Variants in LRP1 observed in about 807,000 individuals in gnomAD.
The protein encoded by LRP1 is LDL receptor related protein 1.
Under a neutral mutation model 541.5 loss-of-function variants are expected in LRP1, and 51 were observed. That is an observed-to-expected ratio of 0.09 (90% CI 0.08 to 0.12). The LOEUF (loss-of-function observed/expected upper bound fraction) is 0.12. LRP1 is among the 10% of genes least tolerant of loss of function. LRP1 has a pLI of 1.00. For synonymous variants in LRP1, 2,219 were observed against 2,470.8 expected (o/e 0.90, Z 3.02); for missense variants, 3,878 against 6,376.2 (o/e 0.61, Z 13.34).
At position 57,204,642 on chromosome 12, in the gene LRP1, C is replaced by T. The variant is rs1445359310; in HGVS notation, c.11087C>T (p.Pro3696Leu). The change falls in exon 72 of 89, where the codon CCT becomes CTT. Residue 3696 changes from proline (P) to leucine (L), a missense_variant. This residue lies in a region of LRP1 where 871 missense variants were observed against 1,212.4 expected (regional missense o/e 0.72). Coordinates refer to ENST00000243077, the MANE Select transcript of LRP1 (RefSeq NM_002332.3). This position sits in a 1 kb window ranked among gnomAD's most constrained non-coding sequence, Gnocchi z 5.3. ...NPEECARFVC[P>L]PNRPFRCKND... is the part of the protein sequence containing the mutation. ...GCTGCTGCAGCCCGGTTCGTGTGCC[C>T]TCCCAACCGGCCCTTCCGTTGCAAG... is the stretch of plus-strand genomic sequence containing the variant. The T allele has an allele frequency of 6.2e-7, 1 of 1,613,998 alleles. No homozygotes were observed. Among genetic ancestry groups the T allele is most frequent in the Non-Finnish European group, 8.5e-7 (1 of 1,180,032 alleles).
At chr12:57,199,566 C>G (rs1053375428) in intron 61 of LRP1, among the ~76,000 whole-genome samples, 166 bp downstream of exon 61, 6 of 152,174 alleles carry the variant, frequency 3.9e-5, no homozygotes, top group Admixed American at 6.5e-5. Context: ...GGAGCTTCAG[C>G]CCGGCCTGGA....
Position 57,205,998 on chromosome 12 carries a change from A to T in LRP1, c.11590+321A>T, listed in dbSNP as rs1365759862. On this transcript the variant is annotated intron_variant, in intron 75 of 88. Transcript: ENST00000243077. This position sits in a 1 kb window ranked among gnomAD's most constrained non-coding sequence, Gnocchi z 4.6. ...TGGGGGCCTCACCTGCACATTCCCCACATGCTTTGATGCCCACCTTGCCTT... is the reference window on the plus strand; with the variant it reads ...TGGGGGCCTCACCTGCACATTCCCCTCATGCTTTGATGCCCACCTTGCCTT... 6.6e-6 allele frequency among the ~76,000 whole-genome samples: 1 copy of T among 152,168 alleles called. No homozygotes were observed. Among genetic ancestry groups the T allele is most frequent in the East Asian group, 1.9e-4 (1 of 5,192 alleles).
At position 57,184,319 on chromosome 12, in the gene LRP1, C is replaced by T; in HGVS notation, c.6060-7C>T. ...GACTGACCCCCACTTCCACCCCCAC[C>T]CTACAGGTACTTGTTCTGGACTGAG... On this transcript the variant is annotated splice_region_variant and splice_polypyrimidine_tract_variant and intron_variant, in intron 37 of 88. Coordinates refer to ENST00000243077, the MANE Select transcript of LRP1 (RefSeq NM_002332.3). This position sits in a 1 kb window ranked among gnomAD's most constrained non-coding sequence, Gnocchi z 7.8. 1 of 1,614,226 alleles carries T rather than the reference C, an allele frequency of 6.2e-7. No homozygotes were observed. The highest frequency in any genetic ancestry group is 8.5e-7 in the Non-Finnish European group (1 of 1,180,038).
intron 34 of LRP1, 69 bp downstream of exon 34, chr12:57,181,360 C>A: frequency 6.5e-7 from 1 of 1,527,050 alleles, no homozygotes; most frequent in Non-Finnish European, 8.8e-7. Context: ...CCCTACAGCC[C>A]CACCTTCCTC....
At chr12:57,157,123 AG>A (rs1160765249) in intron 10 of LRP1, among the ~76,000 whole-genome samples, 1 of 152,262 alleles carries the variant, frequency 6.6e-6, no homozygotes, top group Non-Finnish European at 1.5e-5. Context: ...CGGACTCTGC[AG>A]AAAACTAAAC....
chr12:57,193,806 G>A, intron 47 of LRP1, 93 bp from the exon 48 acceptor site: 1 of 1,594,948 alleles, frequency 6.3e-7, no homozygotes. Flanking sequence ...ACAGGCCAGG[G>A]CAGGTGCTGT....
rs35444620 is a variant in LRP1 at position 57,187,141 on chromosome 12, G to A, written c.6842-126G>A. 16 of 904,312 alleles carry A rather than the reference G, an allele frequency of 1.8e-5. No individual in the cohort carries two copies. In the African/African-American group the frequency reaches 1.8e-4, roughly 10 times the overall value. 56.0% of individuals were successfully genotyped at this position (904,312 alleles called of 1,614,324 possible). A position where few individuals can be genotyped will look rare whatever the true frequency, so the allele number is the denominator to read the frequency against. On this transcript the variant is annotated intron_variant, in intron 41 of 88. Transcript: ENST00000243077. ...CCGAGCCCTCTCTGCTGCACCTCTT[G>A]CACTCCCATACCCCACACTTCGCCT...
chr12:57,184,939 T>A lies in LRP1; in HGVS notation c.6287T>A (p.Met2096Lys). ...GAGGTGGTTCTGTCCAGCAACAACATGGACATGTTTTCAGTGTCTGTGTTT... is the reference window on the plus strand; with the variant it reads ...GAGGTGGTTCTGTCCAGCAACAACAAGGACATGTTTTCAGTGTCTGTGTTT... ...NREVVLSSNNMDMFSVSVFED... is the reference protein window; with the variant it reads ...NREVVLSSNNKDMFSVSVFED... The change falls in exon 39 of 89, where the codon ATG (methionine) becomes AAG (lysine). Residue 2096 changes from methionine (M) to lysine (K), a missense_variant. Transcript: ENST00000243077. This position sits in a 1 kb window ranked among gnomAD's most constrained non-coding sequence, Gnocchi z 7.8. 1 of 1,614,160 alleles carries A rather than the reference T, an allele frequency of 6.2e-7. No individual in the cohort carries two copies. The highest frequency in any genetic ancestry group is 8.5e-7 in the Non-Finnish European group (1 of 1,180,022).
Position 57,194,518 on chromosome 12 carries a change from G to A in LRP1, c.8068+15G>A, listed in dbSNP as rs748180611. 31 of 1,610,168 alleles carry A rather than the reference G, an allele frequency of 1.9e-5. No individual in the cohort carries two copies. Among genetic ancestry groups the A allele is most frequent in the Non-Finnish European group, 4.2e-6 (5 of 1,178,794 alleles). ...CGACTGCCCAGGTGGGCGGGGGCAG[G>A]TGTGTGGTGGGTGGTGGCCTGCGGT... On this transcript the variant is annotated intron_variant, in intron 49 of 88. Transcript: ENST00000243077.
rs1056038984 is a variant in LRP1, at chr12:57,194,796, G to C, written c.8191+97G>C. 13 of 1,449,780 alleles carry C rather than the reference G, an allele frequency of 9.0e-6. 1 individual carries two copies. Among genetic ancestry groups the C allele is most frequent in the South Asian group, 2.7e-5 (2 of 74,704 alleles). The allele number at this position is 1,449,780 out of a possible 1,614,324, so 89.8% of individuals were successfully genotyped here. A position where few individuals can be genotyped will look rare whatever the true frequency, so the allele number is the denominator to read the frequency against. ...ATGCCCCCTTGGAAAAGGGCATCCA[G>C]AGCCTTCAACCCCCTGCCCCACACC... On this transcript the variant is annotated intron_variant, in intron 50 of 88. Coordinates refer to ENST00000243077, the MANE Select transcript of LRP1 (RefSeq NM_002332.3).
At position 57,159,969 on chromosome 12, in the gene LRP1, C is replaced by T. The variant is rs541537906; in HGVS notation, c.1943C>T (p.Thr648Ile). The T allele has an allele frequency of 1.7e-5, 27 of 1,614,024 alleles. No individual in the cohort carries two copies. Among genetic ancestry groups the T allele is most frequent in the East Asian group, 2.2e-5 (1 of 44,894 alleles). ...AAGACTTTAATCGAGGGCAAAATGA[C>T]ACACCCCAGGGCTATTGTGGTGGAT... is the stretch of plus-strand genomic sequence containing the variant. The part of the protein sequence containing the change: ...TRKTLIEGKM[T>I]HPRAIVVDPL... The change falls in exon 12 of 89, where the codon ACA becomes ATA. Residue 648 changes from threonine (T) to isoleucine (I), a missense_variant. Physicochemically the swap from Thr to Ile is moderately conservative, Grantham distance 89. Coordinates refer to ENST00000243077, the MANE Select transcript of LRP1 (RefSeq NM_002332.3).
Position 57,200,826 on chromosome 12 carries a change from G to GGGGGCCCCC in LRP1, c.10225+11_10225+12insGGGGCCCCC. ...ACGAGGCCAACTGTGGTAAGGCGCT[G>GGGGGCCCCC]CCCGCCCACCCTCCCTCCTTCCCCA... On this transcript the variant is annotated intron_variant, in intron 64 of 88. Coordinates refer to ENST00000243077, the MANE Select transcript of LRP1 (RefSeq NM_002332.3). The GGGGGCCCCC allele has an allele frequency of 1.3e-6, 2 of 1,581,422 alleles. No homozygotes were observed. Among genetic ancestry groups the GGGGGCCCCC allele is most frequent in the Non-Finnish European group, 1.7e-6 (2 of 1,157,664 alleles).
Position 57,169,210 on chromosome 12 carries a change from C to T in LRP1, c.3066C>T (p.Cys1022=). The T allele has an allele frequency of 6.2e-7, 1 of 1,614,014 alleles. No individual in the cohort carries two copies. The change falls in exon 20 of 89, where the codon TGC becomes TGT. Residue 1022 remains cysteine, a synonymous_variant. Transcript: ENST00000243077. The part of the protein sequence containing the change: ...SHSCSSTQFK[C]NSGRCIPEHW... ...CCTGTTCTAGCACCCAGTTCAAGTGCAACAGCGGGCGTTGCATCCCCGAGC... is the reference window on the plus strand; with the variant it reads ...CCTGTTCTAGCACCCAGTTCAAGTGTAACAGCGGGCGTTGCATCCCCGAGC...
Position 57,169,253 on chromosome 12 carries a change from G to T in LRP1, c.3109G>T (p.Asp1037Tyr). ...CIPEHWTCDG[D>Y]NDCGDYSDET... ...CCCCGAGCACTGGACCTGCGATGGG[G>T]ACAATGACTGCGGAGACTACAGTGA... Residue 1037 changes from aspartate (D) to tyrosine (Y), a missense_variant, in exon 20 of 89, where the codon GAC becomes TAC. Coordinates refer to ENST00000243077, the MANE Select transcript of LRP1 (RefSeq NM_002332.3). The T allele has an allele frequency of 6.2e-7, 1 of 1,613,874 alleles. No individual in the cohort carries two copies.
In LRP1 at chr12:57,177,908, T is replaced by C. The variant is rs1326754019; in HGVS notation, c.4361+317T>C. Among the ~76,000 whole-genome samples the C allele has an allele frequency of 6.6e-6, 1 of 151,792 alleles. No homozygotes were observed. Among genetic ancestry groups the C allele is most frequent in the Non-Finnish European group, 1.5e-5 (1 of 67,966 alleles). ...CTGCCCAGAGGGAGGGGAAACTTCT[T>C]TCTAATTGGTCTGCCCAGGGAGGGT... is the stretch of plus-strand genomic sequence containing the variant. On this transcript the variant is annotated intron_variant, in intron 26 of 88. Transcript: ENST00000243077. This position sits in a 1 kb window ranked among gnomAD's most constrained non-coding sequence, Gnocchi z 6.8.
intron 1 of LRP1, chr12:57,131,993 G>A (rs2035048032): frequency 6.6e-6 from 1 of 152,346 alleles, no homozygotes; most frequent in Non-Finnish European, 1.5e-5. Context: ...CTCTTCTCAG[G>A]GTCCTCCTCA....
rs768585729 is a variant in LRP1, at chr12:57,166,164, A to T, written c.2752A>T (p.Asn918Tyr). Residue 918 changes from asparagine (N) to tyrosine (Y), a missense_variant, in exon 17 of 89, where the codon AAT (asparagine) becomes TAT (tyrosine). Transcript: ENST00000243077. ...IPNRWLCDGD[N>Y]DCGNSEDESN... is the part of the protein sequence containing the mutation. ...CAACCGCTGGCTCTGCGACGGGGAC[A>T]ATGACTGTGGGAACAGTGAAGATGA... 6.2e-7 allele frequency: 1 copy of T among 1,614,018 alleles called. No homozygotes were observed. The highest frequency in any genetic ancestry group is 8.5e-7 in the Non-Finnish European group (1 of 1,179,978).
In LRP1 at chr12:57,204,287, T is replaced by C; in HGVS notation, c.10952-123T>C. ...CCAAGTAGAAATTTAAGAGACCTGG[T>C]TCCAATTTGGCTGTGCCACTGCTTG... On this transcript the variant is annotated intron_variant, in intron 70 of 88. Transcript: ENST00000243077. The surrounding 1 kb of genome is among the most constrained non-coding windows in gnomAD (Gnocchi z 5.3). 1.7e-6 allele frequency: 2 copies of C among 1,183,674 alleles called. No homozygotes were observed. Among genetic ancestry groups the C allele is most frequent in the East Asian group, 2.5e-5 (1 of 40,278 alleles). The allele number at this position is 1,183,674 out of a possible 1,614,324, so 73.3% of individuals were successfully genotyped here.
Position 57,205,722 on chromosome 12 carries a change from G to T in LRP1, c.11590+45G>T, listed in dbSNP as rs186461142. ...GCAGAAAGGCTGGGTGGGGCAGGGC[G>T]ACCAGGATATCAAACGGGGCCGACT... On this transcript the variant is annotated intron_variant, in intron 75 of 88. Coordinates refer to ENST00000243077, the MANE Select transcript of LRP1 (RefSeq NM_002332.3). The surrounding 1 kb of genome is among the most constrained non-coding windows in gnomAD (Gnocchi z 4.6). 6 of 1,597,294 alleles carry T rather than the reference G, an allele frequency of 3.8e-6. No individual in the cohort carries two copies. Among genetic ancestry groups the T allele is most frequent in the Admixed American group, 1.7e-5 (1 of 59,494 alleles).
Sources: gnomAD v4.1 joint callset for allele counts (sites outside exome capture counted in the v4.1 genomes callset) on GRCh38, gnomAD v4.1.1 for gene constraint, gnomAD v4.1.1 regional missense constraint, Gnocchi (gnomAD v3.1) non-coding constraint, MANE v1.5 for transcripts, NCBI Gene and HGNC (gene_info 2026-07-23, HGNC 2026-07-21) for gene names.